The following NDUFAF6 variants were observed in gnomAD, a reference collection of about 807,000 sequenced individuals.
NDUFAF6 encodes NADH:ubiquinone oxidoreductase complex assembly factor 6.
NDUFAF6 carries 45 observed loss-of-function variants against 40.8 expected under a neutral mutation model. The ratio of observed to expected loss-of-function variants is 1.10; its 90% CI spans 0.87 to 1.42. The LOEUF is 1.42. Ranked by LOEUF, NDUFAF6 falls within the 40% of genes most tolerant of loss-of-function variation. NDUFAF6 has a pLI of 0.00. For synonymous variants in NDUFAF6, 185 were observed against 155.9 expected, an observed-to-expected ratio of 1.19 and a Z score of -1.39; for missense variants, 435 against 418.5, an observed-to-expected ratio of 1.04 and a Z score of -0.34.
intron 1 of NDUFAF6, among the ~76,000 whole-genome samples, chr8:94,968,959 G>T (rs1225455639): frequency 6.6e-6 from 1 of 152,152 alleles, no homozygotes; most frequent in African/African-American, 2.4e-5. Flanking sequence ...CTAAGGTCAG[G>T]ATGCCATTTG....
At chr8:94,908,033 G>A (rs1197845382) in intron 1 of NDUFAF6, among the ~76,000 whole-genome samples, 1 of 152,132 alleles carries the variant, frequency 6.6e-6, no homozygotes, top group African/African-American at 2.4e-5. Context: ...TTTCCCTTGT[G>A]TGTGCCTTGC....
chr8:94,994,956 A>C (rs1449596867), intron 2 of NDUFAF6, among the ~76,000 whole-genome samples: 1 of 152,236 alleles, frequency 6.6e-6, no homozygotes, highest in African/African-American at 2.4e-5. Context: ...AAGTAGTACT[A>C]TCATATGATC....
upstream of NDUFAF6, among the ~76,000 whole-genome samples, chr8:95,098,618 C>T (rs182943388): frequency 7.9e-5 from 12 of 152,254 alleles, no homozygotes; most frequent in African/African-American, 2.6e-4. Flanking sequence ...TGCAGTGAGC[C>T]GAGATCGCAC....
chr8:95,005,524 T>C (rs1434391612), intron 2 of NDUFAF6, among the ~76,000 whole-genome samples: 1 of 57,178 alleles, frequency 1.7e-5, no homozygotes, highest in East Asian at 4.7e-4. Context: ...CTGGTCCTTT[T>C]AAATATATAT....
intron 1 of NDUFAF6, among the ~76,000 whole-genome samples, chr8:94,935,122 G>GGTAGAT (rs1820832037): frequency 2.6e-5 from 3 of 115,058 alleles, no homozygotes; most frequent in African/African-American, 6.9e-5. Context: ...TACATAGGTA[G>GGTAGAT]ATAGATATAG....
intron 8 of NDUFAF6, among the ~76,000 whole-genome samples, chr8:95,053,126 C>T (rs1831629981): frequency 6.6e-6 from 1 of 152,164 alleles, no homozygotes; most frequent in Non-Finnish European, 1.5e-5. Flanking sequence ...CCTTCACACC[C>T]TCTGTCTTAG....
At chr8:95,073,393 C>T (rs1832935201) in intron 9 of NDUFAF6, among the ~76,000 whole-genome samples, 1 of 152,224 alleles carries the variant, frequency 6.6e-6, no homozygotes, top group African/African-American at 2.4e-5. Flanking sequence ...GTAGGCAGCG[C>T]CACCTCTCCC....
At chr8:95,006,034 G>A (rs555604612) in intron 2 of NDUFAF6, among the ~76,000 whole-genome samples, 81 of 152,026 alleles carry the variant, frequency 5.3e-4, no homozygotes, top group Non-Finnish European at 9.3e-4. Flanking sequence ...CTTTCCTGTT[G>A]TTTCTGTTGT....
chr8:95,097,197 C>T (rs116098269), upstream of NDUFAF6, among the ~76,000 whole-genome samples: 1,085 of 152,268 alleles, frequency 7.1e-3, 11 homozygotes, highest in African/African-American at 0.025. Flanking sequence ...ATGCCCCTGG[C>T]CTCAAATTTC....
chr8:94,922,699 G>A (rs1178886022), intron 1 of NDUFAF6, among the ~76,000 whole-genome samples: 3 of 151,938 alleles, frequency 2.0e-5, no homozygotes, highest in Admixed American at 1.3e-4. Context: ...GGCTGGTCTC[G>A]AACTCCTGAC....
intron 2 of NDUFAF6, among the ~76,000 whole-genome samples, chr8:95,003,555 G>A (rs1313999715): frequency 1.3e-5 from 2 of 152,090 alleles, no homozygotes; most frequent in Non-Finnish European, 2.9e-5. Context: ...TACTGGGTAG[G>A]GCTGGTCACA....
In NDUFAF6 at chr8:94,985,118, G is replaced by A. The variant is rs28713284; in HGVS notation, c.-84+4145G>A. Among the ~76,000 whole-genome samples, 437 of 152,028 alleles carry A rather than the reference G, an allele frequency of 2.9e-3. 2 individuals are homozygous for A. Among genetic ancestry groups the A allele is most frequent in the African/African-American group, 9.9e-3 (411 of 41,460 alleles). ...AAGGACCTGAAGGGAAATCTAAGGT[G>A]GGGGGTTCTAGAAATAATTTTCTCC... On this transcript the variant is annotated intron_variant, in intron 2 of 9. Transcript: ENST00000396111.
intron 2 of NDUFAF6, among the ~76,000 whole-genome samples, chr8:95,033,782 G>T (rs950959221): frequency 3.3e-5 from 5 of 152,226 alleles, no homozygotes; most frequent in Non-Finnish European, 7.3e-5. Context: ...AGAAGGAACA[G>T]CGAGTGCAGT....
upstream of NDUFAF6, among the ~76,000 whole-genome samples, chr8:95,099,493 C>T (rs1318931188): frequency 6.6e-6 from 1 of 151,964 alleles, no homozygotes; most frequent in African/African-American, 2.4e-5. Context: ...ATGGTATAAT[C>T]CCAGCTACTA....
chr8:94,930,488 G>A lies in NDUFAF6; in HGVS notation c.-935-14995G>A, dbSNP rs2131309680. 3 of 1,614,208 alleles carry A rather than the reference G, an allele frequency of 1.9e-6. No individual in the cohort carries two copies. In the Admixed American group the frequency reaches 5.0e-5, roughly 27 times the overall value. ...ACAAAACTTGAAACTATTAGTAATT[G>A]TACTGACGCGGGCAGGGCTGATGAA... On this transcript the variant is annotated intron_variant, in intron 1 of 14. Coordinates refer to the NDUFAF6 transcript ENST00000396113.
intron 2 of NDUFAF6, among the ~76,000 whole-genome samples, chr8:95,093,809 A>G (rs4590408): frequency 0.086 from 13,097 of 152,314 alleles, 607 homozygotes; most frequent in Middle Eastern, 0.11. Flanking sequence ...TTCTTAACAC[A>G]TATTAAGTAT....
upstream of NDUFAF6, among the ~76,000 whole-genome samples, chr8:94,955,314 G>A (rs1822984085): frequency 6.6e-6 from 1 of 152,226 alleles, no homozygotes; most frequent in Admixed American, 6.5e-5. Flanking sequence ...CAGACCCACA[G>A]AAAGGCAAGA....
downstream of NDUFAF6, among the ~76,000 whole-genome samples, chr8:95,061,068 G>T (rs1235904759): frequency 2.6e-5 from 4 of 152,104 alleles, no homozygotes; most frequent in Non-Finnish European, 2.9e-5. Flanking sequence ...ACGTTTTTGT[G>T]GGGAGGTCCT....
At chr8:95,033,567 A>G (rs536170200) in intron 2 of NDUFAF6, among the ~76,000 whole-genome samples, 2 of 152,336 alleles carry the variant, frequency 1.3e-5, no homozygotes, top group Non-Finnish European at 2.9e-5. Flanking sequence ...CAAATAAATC[A>G]TTGTGTAATG....
Sources: gnomAD v4.1 joint callset for allele counts (sites outside exome capture counted in the v4.1 genomes callset) on GRCh38, gnomAD v4.1.1 for gene constraint, MANE v1.5 for transcripts, NCBI Gene and HGNC (gene_info 2026-07-23, HGNC 2026-07-21) for gene names.